MRPL45: variants seen among roughly 807,000 people sequenced by gnomAD.
MRPL45 encodes mitochondrial ribosomal protein L45.
In MRPL45, 20 loss-of-function variants were observed where a neutral mutation model predicts 38.1. The ratio of observed to expected loss-of-function variants is 0.53; its 90% confidence interval spans 0.37 to 0.76. MRPL45 has a LOEUF of 0.76. Ranked by LOEUF, MRPL45 falls within the 30% of genes least tolerant of loss-of-function variation. MRPL45 has a pLI of 0.00. For synonymous variants in MRPL45, 105 were observed against 128.8 expected (o/e 0.82, Z 1.25); for missense variants, 337 against 395.6 (o/e 0.85, Z 1.26).
chr17:38,302,079 T>C (rs1350768716), intron 3 of MRPL45, among the ~76,000 whole-genome samples: 5 of 132,876 alleles, frequency 3.8e-5, no homozygotes, highest in Admixed American at 9.4e-5. Context: ...ATTGCACCAC[T>C]GCACTCCAGC....
chr17:38,306,352 T>C (rs1473342813), intron 3 of MRPL45, among the ~76,000 whole-genome samples, 181 bp from the exon 4 acceptor site: 1 of 148,108 alleles, frequency 6.8e-6, no homozygotes, highest in Non-Finnish European at 1.5e-5. Context: ...GAGCTTGCAG[T>C]GAGCCGAGAT....
At chr17:38,321,788 T>C (rs985591995) in intron 6 of MRPL45, among the ~76,000 whole-genome samples, 153 of 152,206 alleles carry the variant, frequency 1.0e-3, no homozygotes, top group Non-Finnish European at 1.2e-4. Context: ...CCCAGCACTT[T>C]GAGAGGCCGA....
intron 5 of MRPL45, among the ~76,000 whole-genome samples, 159 bp from the exon 6 acceptor site, chr17:38,320,459 C>G (rs1333677281): frequency 6.6e-6 from 1 of 151,936 alleles, no homozygotes; most frequent in Non-Finnish European, 1.5e-5. Context: ...TTAATCAAAA[C>G]TTGAGAAGGT....
In MRPL45 at chr17:38,321,693, A is replaced by AT. The variant is rs1168111242; in HGVS notation, c.661-433_661-432insT. On this transcript the variant is annotated intron_variant, in intron 6 of 7. Transcript: ENST00000613675. Reference sequence around the variant, plus strand: ...GCAACAGCAAGACTCCGTCTCCAAAAAAAAAAAATTTAAAAAGATTTTTCT... The same window carrying AT: ...GCAACAGCAAGACTCCGTCTCCAAAATAAAAAAAATTTAAAAAGATTTTTCT... Among the ~76,000 whole-genome samples the AT allele has an allele frequency of 5.9e-5, 9 of 151,692 alleles. No homozygotes were observed. The South Asian group carries it at 1.7e-3, about 28-fold the overall frequency.
At chr17:38,316,941 G>C (rs1156832176) in intron 4 of MRPL45, among the ~76,000 whole-genome samples, 2 of 151,984 alleles carry the variant, frequency 1.3e-5, no homozygotes, top group Non-Finnish European at 2.9e-5. Flanking sequence ...GAGACTCCAG[G>C]TGTGTGCCAC....
At chr17:38,301,714 G>A (rs62076039) in intron 3 of MRPL45, among the ~76,000 whole-genome samples, 1 of 151,842 alleles carries the variant, frequency 6.6e-6, no homozygotes, top group African/African-American at 2.4e-5. Flanking sequence ...AAGCACATAC[G>A]GTTTTACCAT....
At chr17:38,309,056 G>A (rs182038912) in intron 4 of MRPL45, among the ~76,000 whole-genome samples, 3,061 of 150,884 alleles carry the variant, frequency 0.02, 51 homozygotes, top group Non-Finnish European at 0.026. Flanking sequence ...ACAGGTGCCT[G>A]CCACCACGCC....
At chr17:38,313,333 C>CGTATATATATATACATAT (rs1230995888) in intron 4 of MRPL45, among the ~76,000 whole-genome samples, 3 of 17,266 alleles carry the variant, frequency 1.7e-4, no homozygotes, top group Admixed American at 7.8e-4. Flanking sequence ...TATATATATA[C>CGTATATATATATACATAT]ATATATATAT....
At chr17:38,305,626 C>T (rs1469750020) in intron 3 of MRPL45, among the ~76,000 whole-genome samples, 1 of 136,640 alleles carries the variant, frequency 7.3e-6, no homozygotes, top group South Asian at 2.6e-4. Flanking sequence ...GCTGGGATTA[C>T]AGACAGCACC....
chr17:38,313,397 T>TAC, intron 4 of MRPL45, among the ~76,000 whole-genome samples: 1 of 100,372 alleles, frequency 1.0e-5, no homozygotes, highest in Non-Finnish European at 1.9e-5. Flanking sequence ...TATATATATA[T>TAC]ATATATGAGA....
intron 3 of MRPL45, among the ~76,000 whole-genome samples, chr17:38,304,929 C>T (rs1597647053): frequency 6.6e-6 from 1 of 151,328 alleles, no homozygotes; most frequent in East Asian, 2.0e-4. Flanking sequence ...TCACTGCAAC[C>T]TCTGCCTCCT....
intron 4 of MRPL45, among the ~76,000 whole-genome samples, chr17:38,308,122 G>C (rs2037072497): frequency 6.6e-6 from 1 of 151,912 alleles, no homozygotes; most frequent in Non-Finnish European, 1.5e-5. Context: ...CCCAGGCTAT[G>C]CAAGCCAGTC....
rs565235915 is a variant in MRPL45 at position 38,308,147 on chromosome 17, C to G, written c.461+1516C>G. Among the ~76,000 whole-genome samples the G allele has an allele frequency of 2.0e-3, 300 of 151,856 alleles. 1 individual carries two copies. The highest frequency in any genetic ancestry group is 3.4e-3 in the Middle Eastern group (1 of 292). On this transcript the variant is annotated intron_variant, in intron 4 of 7. Coordinates refer to ENST00000613675, the MANE Select transcript of MRPL45 (RefSeq NM_032351.6). ...GCAAGCCAGTCATTTTTTTTTTTCC[C>G]CCTTTTTGAGACGGAGTCTAGCTCT...
Position 38,322,581 on chromosome 17 carries a change from C to A in MRPL45, c.907C>A (p.Pro303Thr). The A allele has an allele frequency of 1.2e-6, 2 of 1,612,752 alleles. No individual in the cohort carries two copies. Among genetic ancestry groups the A allele is most frequent in the Non-Finnish European group, 1.7e-6 (2 of 1,179,638 alleles). Residue 303 changes from proline to threonine, a missense_variant, in exon 8 of 8, where the codon CCT (proline) becomes ACT (threonine). Physicochemically the swap from Pro to Thr is conservative, Grantham distance 38 (BLOSUM62 -1). Transcript: ENST00000613675. ...AGAGGCACAAGGAGAGGCCCAGAAG[C>A]CTCAGCTAGCCTGATGACAAAAATG... is the stretch of plus-strand genomic sequence containing the variant. ...YEEAQGEAQK[P>T]QLA
chr17:38,306,605 T>C lies in MRPL45; in HGVS notation c.435T>C (p.Phe145=). ...KDFPEKAKDI[F]IEAHLCLNNS... is the part of the protein sequence containing the mutation. Reference sequence around the variant, plus strand: ...TCCCTGAAAAAGCTAAGGATATCTTTATTGAAGCTCACCTTTGTCTAAATA... The same window carrying C: ...TCCCTGAAAAAGCTAAGGATATCTTCATTGAAGCTCACCTTTGTCTAAATA... The change falls in exon 4 of 8, where the codon TTT becomes TTC. Residue 145 remains phenylalanine (F), a synonymous_variant. Transcript: ENST00000613675. 1 of 1,613,594 alleles carries C rather than the reference T, an allele frequency of 6.2e-7. No homozygotes were observed. Among genetic ancestry groups the C allele is most frequent in the East Asian group, 2.2e-5 (1 of 44,862 alleles).
chr17:38,307,141 C>T (rs1391149003), intron 4 of MRPL45, among the ~76,000 whole-genome samples: 15 of 152,012 alleles, frequency 9.9e-5, no homozygotes, highest in Admixed American at 9.8e-4. Flanking sequence ...TCAAGCAACT[C>T]CCCTGCCTCA....
chr17:38,318,819 T>TTTA, intron 5 of MRPL45, 84 bp downstream of exon 5: 1 of 881,582 alleles, frequency 1.1e-6, no homozygotes, highest in Non-Finnish European at 1.7e-6. Flanking sequence ...TTTCTTTTCT[T>TTTA]TTCTTTTCTT....
At chr17:38,316,655 A>C (rs544462072) in intron 4 of MRPL45, among the ~76,000 whole-genome samples, 2 of 150,208 alleles carry the variant, frequency 1.3e-5, no homozygotes, top group South Asian at 2.1e-4. Flanking sequence ...CTAAAAATAC[A>C]AAAAAAGCTG....
intron 4 of MRPL45, among the ~76,000 whole-genome samples, chr17:38,312,392 A>G (rs1219476460): frequency 1.3e-5 from 2 of 152,078 alleles, no homozygotes; most frequent in African/African-American, 4.8e-5. Flanking sequence ...TTGTATGTAT[A>G]TACACCACAT....
Sources: allele counts gnomAD v4.1 joint callset (sites outside exome capture counted in the v4.1 genomes callset), GRCh38; gene constraint gnomAD v4.1.1; transcripts MANE v1.5; gene names NCBI Gene and HGNC (gene_info 2026-07-23, HGNC 2026-07-21).